Variants in SCAPER observed in about 807,000 individuals in gnomAD.
The protein encoded by SCAPER is S-phase cyclin A associated protein in the ER, also known as S phase cyclin A-associated protein in the endoplasmic reticulum.
In SCAPER, 98 loss-of-function variants were observed where a neutral mutation model predicts 182.2. That is an observed-to-expected ratio of 0.54 (90% CI 0.46 to 0.64). The LOEUF (loss-of-function observed/expected upper bound fraction) is 0.64. SCAPER is among the 30% of genes least tolerant of loss of function. SCAPER has a pLI of 0.00. For missense variants in SCAPER, 1,432 were observed against 1,690.0 expected (o/e 0.85, Z 2.68); for synonymous variants, 605 against 564.6 (o/e 1.07, Z -1.01).
At chr15:76,581,853 C>T (rs996906585) in intron 22 of SCAPER, among the ~76,000 whole-genome samples, 5 of 151,974 alleles carry the variant, frequency 3.3e-5, no homozygotes, top group Admixed American at 6.5e-5. Flanking sequence ...CCCAACATGC[C>T]AGGATTACAG....
chr15:76,716,718 T>C (rs2059905424), intron 17 of SCAPER, among the ~76,000 whole-genome samples: 1 of 150,486 alleles, frequency 6.6e-6, no homozygotes, highest in African/African-American at 2.5e-5. Flanking sequence ...AGAAAGAACC[T>C]TGAAGGTTTC....
At chr15:76,502,590 G>A (rs893773361) in intron 24 of SCAPER, among the ~76,000 whole-genome samples, 1 of 151,844 alleles carries the variant, frequency 6.6e-6, no homozygotes, top group African/African-American at 2.4e-5. Context: ...GAGGAGGGGG[G>A]AGGGATAGCA....
intron 8 of SCAPER, among the ~76,000 whole-genome samples, chr15:76,776,815 C>A (rs183292793): frequency 6.6e-6 from 1 of 152,096 alleles, no homozygotes; most frequent in Admixed American, 6.5e-5. Context: ...AAAGGTATCA[C>A]AAGACCAAGA....
At chr15:76,688,843 CT>C (rs71143353) in intron 20 of SCAPER, among the ~76,000 whole-genome samples, 1,138 of 92,346 alleles carry the variant, frequency 0.012, 2 homozygotes, top group African/African-American at 0.025. Flanking sequence ...AAATGCCTCT[CT>C]TTTTTTTTTT....
At chr15:76,819,075 A>G (rs2067310065) in intron 5 of SCAPER, among the ~76,000 whole-genome samples, 2 of 152,210 alleles carry the variant, frequency 1.3e-5, no homozygotes, top group Admixed American at 1.3e-4. Flanking sequence ...GAGTAGGTAA[A>G]CAAAGCGGCC....
intron 22 of SCAPER, among the ~76,000 whole-genome samples, chr15:76,587,679 T>G (rs1257911785): frequency 6.6e-6 from 1 of 152,198 alleles, no homozygotes; most frequent in Non-Finnish European, 1.5e-5. Flanking sequence ...TTAAATTTAT[T>G]GAGACTTGTT....
chr15:76,516,379 C>A (rs1335859028), intron 23 of SCAPER, among the ~76,000 whole-genome samples: 1 of 149,202 alleles, frequency 6.7e-6, no homozygotes, highest in Non-Finnish European at 1.5e-5. Context: ...CCCCACCCCA[C>A]CCCCGCAACT....
At chr15:76,553,872 C>T (rs1489022118) in intron 23 of SCAPER, among the ~76,000 whole-genome samples, 2 of 152,192 alleles carry the variant, frequency 1.3e-5, no homozygotes, top group Non-Finnish European at 2.9e-5. Context: ...TCAGCCCACA[C>T]AGATGAGAAA....
chr15:76,625,370 A>G (rs1335405852), intron 21 of SCAPER, among the ~76,000 whole-genome samples: 1 of 152,180 alleles, frequency 6.6e-6, no homozygotes, highest in East Asian at 1.9e-4. Context: ...CTTTGGCCCC[A>G]GGTTCAGCGG....
At chr15:76,458,295 A>C (rs894524114) in intron 25 of SCAPER, among the ~76,000 whole-genome samples, 1 of 151,940 alleles carries the variant, frequency 6.6e-6, no homozygotes, top group Non-Finnish European at 1.5e-5. Context: ...ATATAAAGGG[A>C]AAGAGAGAGA....
At chr15:76,639,837 T>C (rs2053957264) in intron 21 of SCAPER, among the ~76,000 whole-genome samples, 1 of 152,156 alleles carries the variant, frequency 6.6e-6, no homozygotes, top group African/African-American at 2.4e-5. Context: ...ATGTTATTAG[T>C]AGGAAAGATG....
At chr15:76,575,980 T>C (rs191707302) in intron 22 of SCAPER, among the ~76,000 whole-genome samples, 58 of 152,368 alleles carry the variant, frequency 3.8e-4, no homozygotes, top group Admixed American at 3.9e-4. Context: ...ATCCTTATCA[T>C]GTAACATGCT....
chr15:76,694,058 C>A (rs1205168803), intron 20 of SCAPER, among the ~76,000 whole-genome samples: 1 of 151,268 alleles, frequency 6.6e-6, no homozygotes, highest in East Asian at 1.9e-4. Context: ...CTCAGGATTG[C>A]TGTGGCTACT....
At chr15:76,699,019 T>C (rs2058791604) in intron 20 of SCAPER, among the ~76,000 whole-genome samples, 1 of 152,242 alleles carries the variant, frequency 6.6e-6, no homozygotes, top group South Asian at 2.1e-4. Flanking sequence ...TTATTCTTTT[T>C]GTAGCTATTT....
intron 20 of SCAPER, among the ~76,000 whole-genome samples, chr15:76,684,328 AATGACACCCAT>A: frequency 6.6e-6 from 1 of 152,316 alleles, no homozygotes; most frequent in East Asian, 1.9e-4. Flanking sequence ...TCTCACATGC[AATGACACCCAT>A]ATGCTCAATG....
chr15:76,352,337 C>T (rs937207712), intron 30 of SCAPER, among the ~76,000 whole-genome samples: 3 of 151,874 alleles, frequency 2.0e-5, no homozygotes, highest in African/African-American at 7.3e-5. Flanking sequence ...TCTGTGAAGG[C>T]AGGAATTTTT....
intron 5 of SCAPER, among the ~76,000 whole-genome samples, chr15:76,820,579 G>A (rs1372078057): frequency 1.4e-5 from 2 of 142,326 alleles, no homozygotes; most frequent in Admixed American, 1.4e-4. Flanking sequence ...TCACACACTG[G>A]GGACTGTTGT....
At chr15:76,605,554 G>C (rs1270479369) in intron 22 of SCAPER, among the ~76,000 whole-genome samples, 1 of 152,202 alleles carries the variant, frequency 6.6e-6, no homozygotes, top group Non-Finnish European at 1.5e-5. Context: ...AGTTAGGGAG[G>C]ATTCCCTCTT....
intron 23 of SCAPER, chr15:76,567,431 T>C (rs1012550462): frequency 4.8e-6 from 2 of 416,588 alleles, no homozygotes; most frequent in African/African-American, 4.1e-5. Flanking sequence ...GATACACATG[T>C]CTACAAATTT....
Sources: allele counts gnomAD v4.1 joint callset (sites outside exome capture counted in the v4.1 genomes callset), GRCh38; gene constraint gnomAD v4.1.1; transcripts MANE v1.5; gene names NCBI Gene and HGNC (gene_info 2026-07-23, HGNC 2026-07-21).